Variants in KIF6 observed in about 807,000 individuals in gnomAD.
KIF6 encodes the protein kinesin-like protein KIF6.
KIF6 carries 106 observed loss-of-function variants against 112.7 expected under a neutral mutation model. The observed-to-expected ratio is 0.94, with a 90% CI of 0.80 to 1.11. The LOEUF (loss-of-function observed/expected upper bound fraction) is 1.11, where lower values mean the gene tolerates loss of function less well. Among genes scored for constraint, KIF6 ranks in the 50% least tolerant of loss-of-function variants. The probability of loss-of-function intolerance (pLI) is 0.00; values close to 1 mark genes in which losing one functional copy is unlikely to be tolerated. For synonymous variants in KIF6, 339 were observed against 339.9 expected (o/e 1.00, Z 0.03); for missense variants, 929 against 964.0 (o/e 0.96, Z 0.48).
intron 13 of KIF6, among the ~76,000 whole-genome samples, chr6:39,498,383 G>A (rs1342125804): frequency 1.3e-5 from 2 of 152,158 alleles, no homozygotes; most frequent in African/African-American, 4.8e-5. Flanking sequence ...AGGAGAGCTG[G>A]TCATTTAGAA....
rs992993464 is a variant in KIF6, at chr6:39,718,996, T to C, written c.176+1706A>G. Among the ~76,000 whole-genome samples, 4 of 152,150 alleles carry C rather than the reference T, an allele frequency of 2.6e-5. No individual in the cohort carries two copies. In the East Asian group the frequency reaches 7.7e-4, roughly 29 times the overall value. ...ATGAAGACCAAGGAGAAATTCTTTA[T>C]GAGACAACAAAAAAAGCAAATAAGA... On this transcript the variant is annotated intron_variant, in intron 2 of 22. Coordinates refer to ENST00000287152, the MANE Select transcript of KIF6 (RefSeq NM_145027.6).
chr6:39,494,297 T>A (rs1775643490), intron 13 of KIF6, among the ~76,000 whole-genome samples: 2 of 152,238 alleles, frequency 1.3e-5, no homozygotes, highest in African/African-American at 4.8e-5. Flanking sequence ...CCAGGAACAT[T>A]GCTCAGTTTT....
rs534623441 is a variant in KIF6, at chr6:39,522,235, T to C, written c.1645+17768A>G. 3.9e-5 allele frequency among the ~76,000 whole-genome samples: 6 copies of C among 152,336 alleles called. No individual in the cohort carries two copies. The East Asian group carries it at 1.2e-3, about 29-fold the overall frequency. On this transcript the variant is annotated intron_variant, in intron 13 of 22. Transcript: ENST00000287152. ...CAGTGTTGGCCTTCTGGCTCCCAGA[T>C]ACCGTTTCAGAATTAAAAACTATTC... is the stretch of plus-strand genomic sequence containing the variant.
chr6:39,625,422 C>T (rs1433371443), intron 5 of KIF6, among the ~76,000 whole-genome samples: 3 of 152,084 alleles, frequency 2.0e-5, no homozygotes, highest in Non-Finnish European at 4.4e-5. Flanking sequence ...GACAGTGTTT[C>T]AGTTCTCAAT....
chr6:39,588,361 G>A (rs1256659938), intron 7 of KIF6, among the ~76,000 whole-genome samples: 2 of 151,986 alleles, frequency 1.3e-5, no homozygotes, highest in Non-Finnish European at 2.9e-5. Flanking sequence ...TTACAGGCGT[G>A]CACCACCACA....
chr6:39,490,173 C>T (rs114792877), intron 13 of KIF6, among the ~76,000 whole-genome samples: 4 of 152,274 alleles, frequency 2.6e-5, no homozygotes, highest in Non-Finnish European at 4.4e-5. Flanking sequence ...GGAGAGGCTC[C>T]ATGTCTGTGC....
intron 13 of KIF6, among the ~76,000 whole-genome samples, chr6:39,508,744 G>A (rs557251385): frequency 6.6e-6 from 1 of 152,170 alleles, no homozygotes; most frequent in Non-Finnish European, 1.5e-5. Context: ...AAACTGGGTG[G>A]AGCCCACCGC....
intron 10 of KIF6, among the ~76,000 whole-genome samples, chr6:39,558,467 T>C (rs939694097): frequency 6.6e-6 from 1 of 151,268 alleles, no homozygotes; most frequent in African/African-American, 2.4e-5. Context: ...GTCTTAAAAA[T>C]ATCCAGCTCT....
intron 10 of KIF6, among the ~76,000 whole-genome samples, chr6:39,556,291 G>A (rs1779705528): frequency 6.6e-6 from 1 of 152,206 alleles, no homozygotes; most frequent in South Asian, 2.1e-4. Flanking sequence ...AGAGAATGGT[G>A]GTGAGGTGGG....
At chr6:39,627,928 A>G (rs2150746941) in intron 5 of KIF6, among the ~76,000 whole-genome samples, 1 of 152,276 alleles carries the variant, frequency 6.6e-6, no homozygotes, top group Middle Eastern at 3.4e-3. Context: ...TCAAAAATAG[A>G]ATTTCTATTT....
chr6:39,479,778 A>T (rs1319142858), intron 13 of KIF6, among the ~76,000 whole-genome samples: 2 of 151,968 alleles, frequency 1.3e-5, no homozygotes, highest in Non-Finnish European at 2.9e-5. Context: ...TTCTTTCAGC[A>T]GTATTATTTT....
intron 19 of KIF6, among the ~76,000 whole-genome samples, chr6:39,347,594 A>G (rs1314658236): frequency 1.3e-5 from 2 of 152,226 alleles, no homozygotes; most frequent in African/African-American, 4.8e-5. Context: ...AGACAACCTC[A>G]GAGCTGGAAG....
chr6:39,539,725 A>G (rs1778677373), intron 13 of KIF6, among the ~76,000 whole-genome samples: 1 of 152,138 alleles, frequency 6.6e-6, no homozygotes, highest in Non-Finnish European at 1.5e-5. Context: ...TATCAGCAAT[A>G]TCTGATCTTA....
intron 15 of KIF6, among the ~76,000 whole-genome samples, chr6:39,393,688 A>G (rs1768052630): frequency 6.6e-6 from 1 of 152,194 alleles, no homozygotes; most frequent in Non-Finnish European, 1.5e-5. Flanking sequence ...AAGTAGTGAG[A>G]TGTTCAGTGG....
intron 1 of KIF6, among the ~76,000 whole-genome samples, chr6:39,721,875 T>C (rs557169388): frequency 1.2e-4 from 18 of 149,884 alleles, no homozygotes; most frequent in Non-Finnish European, 2.4e-4. Context: ...TAACAGGCAA[T>C]ACTTCCTGTT....
At chr6:39,373,371 C>A (rs899248002) in intron 16 of KIF6, among the ~76,000 whole-genome samples, 15 of 152,104 alleles carry the variant, frequency 9.9e-5, no homozygotes, top group South Asian at 2.1e-4. Context: ...CTTGTGGAGG[C>A]CTTCAATGCT....
intron 13 of KIF6, among the ~76,000 whole-genome samples, chr6:39,533,348 CAGG>C (rs1778189857): frequency 6.6e-6 from 1 of 152,202 alleles, no homozygotes; most frequent in Admixed American, 6.5e-5. Context: ...AACGGTGCAC[CAGG>C]AGATTATATC....
intron 16 of KIF6, among the ~76,000 whole-genome samples, chr6:39,370,440 C>G (rs188192262): frequency 2.4e-4 from 36 of 152,340 alleles, no homozygotes; most frequent in Non-Finnish European, 1.5e-5. Context: ...CTTCATCAAG[C>G]TGTCTCCCTC....
At chr6:39,695,174 G>A (rs1359934563) in intron 3 of KIF6, among the ~76,000 whole-genome samples, 1 of 152,014 alleles carries the variant, frequency 6.6e-6, no homozygotes, top group Non-Finnish European at 1.5e-5. Flanking sequence ...TAACTCAGTA[G>A]ACTAAAAACT....
Sources: gnomAD v4.1 joint callset for allele counts (sites outside exome capture counted in the v4.1 genomes callset) on GRCh38, gnomAD v4.1.1 for gene constraint, MANE v1.5 for transcripts, NCBI Gene and HGNC (gene_info 2026-07-23, HGNC 2026-07-21) for gene names.